Variants in SPHKAP observed in about 807,000 individuals in gnomAD.
SPHKAP encodes SPHK1 interactor, AKAP domain containing, also known as A-kinase anchor protein SPHKAP.
Under a neutral mutation model 137.5 loss-of-function variants are expected in SPHKAP, and 67 were observed. That is an observed-to-expected ratio of 0.49 (90% CI 0.40 to 0.60). The LOEUF (loss-of-function observed/expected upper bound fraction) is 0.60, where lower values mean the gene tolerates loss of function less well. SPHKAP is among the 20% of genes least tolerant of loss of function. SPHKAP has a pLI of 0.00. For synonymous variants in SPHKAP, 813 were observed against 785.3 expected, an observed-to-expected ratio of 1.04 and a Z score of -0.59; for missense variants, 2,097 against 2,069.3, an observed-to-expected ratio of 1.01 and a Z score of -0.26.
chr2:228,046,536 G>T (rs1001530311), intron 3 of SPHKAP, among the ~76,000 whole-genome samples: 1 of 152,036 alleles, frequency 6.6e-6, no homozygotes, highest in Non-Finnish European at 1.5e-5. Context: ...GATTCAAAAA[G>T]CTTGCCAACA....
rs188508628 is a variant in SPHKAP, at chr2:228,130,964, T to C, written c.138+1016A>G. On this transcript the variant is annotated intron_variant, in intron 2 of 11. Transcript: ENST00000392056. ...AATGGATGGAAATACTTTTGTAAAATTATGTTTAATTCTACCTTTCTGTAA... is the reference window on the plus strand; with the variant it reads ...AATGGATGGAAATACTTTTGTAAAACTATGTTTAATTCTACCTTTCTGTAA... Among the ~76,000 whole-genome samples, 213 of 152,220 alleles carry C rather than the reference T, an allele frequency of 1.4e-3. 1 individual carries two copies. Among genetic ancestry groups the C allele is most frequent in the African/African-American group, 4.5e-3 (188 of 41,562 alleles).
chr2:228,037,634 C>G (rs761461005), intron 3 of SPHKAP, among the ~76,000 whole-genome samples: 4 of 148,092 alleles, frequency 2.7e-5, no homozygotes, highest in Non-Finnish European at 6.0e-5. Context: ...AAGCCAGAGC[C>G]CAATAACACC....
intron 7 of SPHKAP, among the ~76,000 whole-genome samples, chr2:228,006,077 A>C (rs996966639): frequency 6.6e-6 from 1 of 152,082 alleles, no homozygotes; most frequent in Non-Finnish European, 1.5e-5. Context: ...CTGAATTTGA[A>C]TGTTGGCCTG....
At chr2:228,161,714 A>C (rs1458454269) in intron 1 of SPHKAP, among the ~76,000 whole-genome samples, 1 of 152,242 alleles carries the variant, frequency 6.6e-6, no homozygotes, top group African/African-American at 2.4e-5. Context: ...GAACAAAATA[A>C]AATAAAATAA....
chr2:228,014,284 C>T (rs933119899), intron 7 of SPHKAP, among the ~76,000 whole-genome samples: 6 of 152,104 alleles, frequency 3.9e-5, no homozygotes, highest in Non-Finnish European at 8.8e-5. Flanking sequence ...TCTGGATTCT[C>T]TAAGAAGGGT....
intron 3 of SPHKAP, among the ~76,000 whole-genome samples, chr2:228,037,038 A>T (rs1030605872): frequency 2.0e-5 from 3 of 149,644 alleles, no homozygotes; most frequent in Admixed American, 2.0e-4. Flanking sequence ...TATAATAATA[A>T]ATAAATAAAT....
rs1224073066 is a variant in SPHKAP at position 228,076,202 on chromosome 2, C to T, written c.246+32630G>A. ...CCACTGGAACTGTAAGTTTAATAAA[C>T]ACTTTTTCCTGTATAAATTACCCAG... On this transcript the variant is annotated intron_variant, in intron 3 of 11. Coordinates refer to ENST00000392056, the MANE Select transcript of SPHKAP (RefSeq NM_001142644.2). Among the ~76,000 whole-genome samples, 10 of 152,294 alleles carry T rather than the reference C, an allele frequency of 6.6e-5. No homozygotes were observed. In the East Asian group the frequency reaches 7.7e-4, roughly 12 times the overall value.
intron 3 of SPHKAP, among the ~76,000 whole-genome samples, chr2:228,078,451 G>A (rs1475004983): frequency 6.6e-6 from 1 of 150,610 alleles, no homozygotes; most frequent in Non-Finnish European, 1.5e-5. Flanking sequence ...AAGGCCTCTG[G>A]TGCATTTATT....
Position 227,980,161 on chromosome 2 carries a change from C to T in SPHKAP, c.*1556G>A, listed in dbSNP as rs1008083091. 1.3e-5 allele frequency: 2 copies of T among 152,540 alleles called. No homozygotes were observed. The highest frequency in any genetic ancestry group is 6.6e-5 in the Admixed American group (1 of 15,258). The allele number at this position is 152,540 out of a possible 1,614,324, so 9.4% of individuals were successfully genotyped here. On this transcript the variant is annotated 3_prime_UTR_variant, in exon 12 of 12. Transcript: ENST00000392056. ...GATAGCACAAAGAAGCACATTTCAGCGTGAATTGATGGATATATTTTAAAA... is the reference window on the plus strand; with the variant it reads ...GATAGCACAAAGAAGCACATTTCAGTGTGAATTGATGGATATATTTTAAAA...
At chr2:228,054,342 T>C (rs1696362496) in intron 3 of SPHKAP, among the ~76,000 whole-genome samples, 1 of 152,134 alleles carries the variant, frequency 6.6e-6, no homozygotes, top group Non-Finnish European at 1.5e-5. Flanking sequence ...GGGAGAATCA[T>C]GTAGATGACA....
At chr2:228,024,931 A>G (rs2106225869) in intron 5 of SPHKAP, among the ~76,000 whole-genome samples, 1 of 152,266 alleles carries the variant, frequency 6.6e-6, no homozygotes, top group East Asian at 1.9e-4. Context: ...TGGGCCCAAG[A>G]CACTCTCTTT....
Position 228,019,149 on chromosome 2 carries a change from CCA to C in SPHKAP, c.1703_1704del (p.Val568GlyfsTer7). The C allele has an allele frequency of 6.2e-7, 1 of 1,613,750 alleles. No individual in the cohort carries two copies. The highest frequency in any genetic ancestry group is 8.5e-7 in the Non-Finnish European group (1 of 1,180,028). Reference sequence around the variant, plus strand: ...TCTCTTTCACCCAGACCACAGACAGCCACGGCACTGGCCACCTGAGTCATGCC... The same window carrying C: ...TCTCTTTCACCCAGACCACAGACAGCCGGCACTGGCCACCTGAGTCATGCC... ...LCGMTQVASA[V>X]AVCGLGEREE... On this transcript the variant is annotated frameshift_variant, in exon 7 of 12. Coordinates refer to ENST00000392056, the MANE Select transcript of SPHKAP (RefSeq NM_001142644.2). LOFTEE classifies it high-confidence loss of function.
chr2:228,113,745 GGTAAA>G, intron 2 of SPHKAP, among the ~76,000 whole-genome samples: 1 of 151,070 alleles, frequency 6.6e-6, no homozygotes, highest in Non-Finnish European at 1.5e-5. Context: ...CTTTGCCTTT[GGTAAA>G]CAATTAAAGC....
intron 1 of SPHKAP, among the ~76,000 whole-genome samples, chr2:228,167,394 C>T (rs12611873): frequency 0.13 from 20,502 of 151,980 alleles, 1,385 homozygotes; most frequent in East Asian, 0.2. Flanking sequence ...GTGAAGTCAA[C>T]GTACCTTTTT....
At chr2:228,170,756 C>T (rs770542145) in intron 1 of SPHKAP, among the ~76,000 whole-genome samples, 4 of 152,016 alleles carry the variant, frequency 2.6e-5, no homozygotes, top group Non-Finnish European at 2.9e-5. Context: ...AAATTTTGTG[C>T]CTTACTTCAT....
intron 1 of SPHKAP, among the ~76,000 whole-genome samples, chr2:228,158,449 A>G (rs181066411): frequency 6.6e-6 from 1 of 151,864 alleles, no homozygotes; most frequent in East Asian, 1.9e-4. Flanking sequence ...GAAGAACCAG[A>G]GACAAGTTTA....
intron 3 of SPHKAP, among the ~76,000 whole-genome samples, chr2:228,074,764 C>G (rs1282293646): frequency 2.0e-5 from 3 of 151,956 alleles, no homozygotes; most frequent in African/African-American, 7.3e-5. Flanking sequence ...ATTCTCCTTC[C>G]CTTCTGCCCT....
At chr2:228,107,516 T>C (rs1698380302) in intron 3 of SPHKAP, among the ~76,000 whole-genome samples, 1 of 152,154 alleles carries the variant, frequency 6.6e-6, no homozygotes, top group Non-Finnish European at 1.5e-5. Flanking sequence ...GCATTCTCAT[T>C]GTAGGTCTGA....
chr2:228,161,525 A>T (rs1700273699), intron 1 of SPHKAP, among the ~76,000 whole-genome samples: 1 of 152,136 alleles, frequency 6.6e-6, no homozygotes, highest in Non-Finnish European at 1.5e-5. Context: ...GGACACAGGG[A>T]GGGGAACAAT....
Sources: gnomAD v4.1 joint callset for allele counts (sites outside exome capture counted in the v4.1 genomes callset) on GRCh38, gnomAD v4.1.1 for gene constraint, MANE v1.5 for transcripts, NCBI Gene and HGNC (gene_info 2026-07-23, HGNC 2026-07-21) for gene names.